The following GRID1 variants were observed in gnomAD, a reference collection of about 807,000 sequenced individuals.
The protein encoded by GRID1 is glutamate receptor ionotropic, delta-1.
GRID1 carries 28 observed loss-of-function variants against 98.0 expected under a neutral mutation model. The observed-to-expected ratio is 0.29, with a 90% CI of 0.21 to 0.39. The LOEUF is 0.39. Ranked by LOEUF, GRID1 falls within the 10% of genes least tolerant of loss-of-function variation. The pLI is 1.00. For synonymous variants in GRID1, 553 were observed against 538.5 expected (o/e 1.03, Z -0.37); for missense variants, 1,111 against 1,340.5 (o/e 0.83, Z 2.67).
intron 4 of GRID1, among the ~76,000 whole-genome samples, chr10:86,113,359 G>C (rs1287154507): frequency 6.6e-6 from 1 of 152,118 alleles, no homozygotes; most frequent in Non-Finnish European, 1.5e-5. Context: ...TTCTCTCTCT[G>C]TTCCTCTAAC....
intron 4 of GRID1, among the ~76,000 whole-genome samples, chr10:85,961,584 T>C (rs1453875929): frequency 6.6e-6 from 1 of 151,276 alleles, no homozygotes; most frequent in Non-Finnish European, 1.5e-5. Context: ...TCCTTCCTTT[T>C]TACCTTCTCT....
intron 4 of GRID1, among the ~76,000 whole-genome samples, chr10:86,021,546 A>T (rs1402106152): frequency 6.6e-6 from 1 of 152,072 alleles, no homozygotes; most frequent in Non-Finnish European, 1.5e-5. Flanking sequence ...TAAAAGCAGT[A>T]TTAGGTCCAC....
intron 8 of GRID1, among the ~76,000 whole-genome samples, chr10:85,818,690 C>T (rs181791924): frequency 6.6e-6 from 1 of 151,908 alleles, no homozygotes; most frequent in African/African-American, 2.4e-5. Context: ...GACACAGTTC[C>T]CAGTAACCAA....
chr10:85,997,797 C>A lies in GRID1; in HGVS notation c.727-81558G>T, dbSNP rs188090628. 3.4e-3 allele frequency among the ~76,000 whole-genome samples: 511 copies of A among 151,990 alleles called. 2 individuals are homozygous for A. The highest frequency in any genetic ancestry group is 0.012 in the African/African-American group (483 of 41,476). The stretch of plus-strand genomic sequence containing the variant: ...TGGAATATGTTTTGAAAAAAACAAG[C>A]AAACCAATTACATGTTGCCTACAAG... On this transcript the variant is annotated intron_variant, in intron 4 of 15. Coordinates refer to ENST00000327946, the MANE Select transcript of GRID1 (RefSeq NM_017551.3).
At chr10:85,838,400 G>T (rs1209081648) in intron 8 of GRID1, among the ~76,000 whole-genome samples, 1 of 152,090 alleles carries the variant, frequency 6.6e-6, no homozygotes, top group Non-Finnish European at 1.5e-5. Context: ...AAATGTTAAA[G>T]GTAGCTAGAG....
intron 4 of GRID1, among the ~76,000 whole-genome samples, chr10:85,917,696 G>A (rs1017123859): frequency 3.9e-5 from 6 of 152,242 alleles, no homozygotes; most frequent in Non-Finnish European, 7.3e-5. Context: ...CCTGCAAACT[G>A]TCATGCACAG....
chr10:85,878,649 C>G (rs1471557337), intron 5 of GRID1, among the ~76,000 whole-genome samples: 1 of 152,154 alleles, frequency 6.6e-6, no homozygotes, highest in Non-Finnish European at 1.5e-5. Flanking sequence ...ACAACCGGTA[C>G]CAGCCACTGC....
At chr10:86,145,547 T>TACACACACACACACATACACACAC (rs920900306) in intron 3 of GRID1, among the ~76,000 whole-genome samples, 2,936 of 145,586 alleles carry the variant, frequency 0.02, 82 homozygotes, top group African/African-American at 0.071. Flanking sequence ...ATCCTCCACA[T>TACACACACACACACATACACACAC]ACACACACAC....
At chr10:86,221,880 C>T (rs1481323735) in intron 2 of GRID1, among the ~76,000 whole-genome samples, 2 of 127,358 alleles carry the variant, frequency 1.6e-5, no homozygotes, top group East Asian at 5.1e-4. Flanking sequence ...GTGGAAGCCC[C>T]CTCCCCCTCC....
chr10:86,181,954 C>T (rs770029572), intron 3 of GRID1, among the ~76,000 whole-genome samples: 9 of 152,132 alleles, frequency 5.9e-5, no homozygotes, highest in South Asian at 2.1e-4. Context: ...ACTCATTGGA[C>T]GAATACATGA....
At chr10:85,678,622 T>G (rs1263279288) in intron 12 of GRID1, among the ~76,000 whole-genome samples, 2 of 152,176 alleles carry the variant, frequency 1.3e-5, no homozygotes, top group African/African-American at 4.8e-5. Context: ...TCTAGTCTCC[T>G]TAGAGACTTT....
At chr10:86,163,481 T>C (rs1166846465) in intron 3 of GRID1, among the ~76,000 whole-genome samples, 1 of 151,978 alleles carries the variant, frequency 6.6e-6, no homozygotes, top group Non-Finnish European at 1.5e-5. Flanking sequence ...GCTACATATG[T>C]ATACATATGC....
Position 86,083,452 on chromosome 10 carries a change from C to T in GRID1, c.726+55367G>A, listed in dbSNP as rs893286926. On this transcript the variant is annotated intron_variant, in intron 4 of 15. Transcript: ENST00000327946. The stretch of plus-strand genomic sequence containing the variant: ...AATGTGACACACAGTTGGTCTCAAC[C>T]GCAGCCAGTGAATTTCGCTCCTCGC... Among the ~76,000 whole-genome samples, 10 of 152,320 alleles carry T rather than the reference C, an allele frequency of 6.6e-5. No individual in the cohort carries two copies. In the South Asian group the frequency reaches 2.1e-3, roughly 32 times the overall value.
intron 13 of GRID1, among the ~76,000 whole-genome samples, chr10:85,645,168 C>G (rs1014380009): frequency 1.3e-5 from 2 of 151,202 alleles, no homozygotes; most frequent in Non-Finnish European, 2.9e-5. Flanking sequence ...TTTTTCTAAG[C>G]AGTGCTTTTT....
At chr10:85,689,763 G>A (rs1170391753) in intron 12 of GRID1, among the ~76,000 whole-genome samples, 2 of 152,068 alleles carry the variant, frequency 1.3e-5, no homozygotes, top group African/African-American at 4.8e-5. Context: ...CACATTCAAA[G>A]GAAGAAAAAT....
intron 4 of GRID1, among the ~76,000 whole-genome samples, chr10:86,036,259 C>A (rs1343897463): frequency 2.0e-5 from 3 of 152,146 alleles, no homozygotes; most frequent in African/African-American, 7.2e-5. Flanking sequence ...CTCCATGAGG[C>A]CATCAGATGC....
intron 10 of GRID1, 133 bp from the exon 11 acceptor site, chr10:85,724,809 G>C (rs12355860): frequency 1.6e-6 from 1 of 629,422 alleles, no homozygotes; most frequent in African/African-American, 1.8e-5. Context: ...GGCACCCTGA[G>C]AGTCTGAATA....
At chr10:85,736,383 C>G (rs1841884206) in intron 8 of GRID1, among the ~76,000 whole-genome samples, 1 of 152,088 alleles carries the variant, frequency 6.6e-6, no homozygotes, top group Admixed American at 6.6e-5. Context: ...TAATAATATC[C>G]AACAAGACAA....
At chr10:86,265,292 C>T (rs923549023) in intron 2 of GRID1, among the ~76,000 whole-genome samples, 1 of 152,254 alleles carries the variant, frequency 6.6e-6, no homozygotes, top group Non-Finnish European at 1.5e-5. Context: ...TCCTTGCCCC[C>T]GACCGATGGC....
Sources: gnomAD v4.1 joint callset for allele counts (sites outside exome capture counted in the v4.1 genomes callset) on GRCh38, gnomAD v4.1.1 for gene constraint, MANE v1.5 for transcripts, NCBI Gene and HGNC (gene_info 2026-07-23, HGNC 2026-07-21) for gene names.